The following LONP1 variants were observed in gnomAD, a reference collection of about 807,000 sequenced individuals.
The protein encoded by LONP1 is lon peptidase 1, mitochondrial, also known as lon protease homolog, mitochondrial.
In LONP1, 31 loss-of-function variants were observed where a neutral mutation model predicts 98.5. The observed-to-expected ratio is 0.31, with a 90% CI of 0.24 to 0.42. The LOEUF (loss-of-function observed/expected upper bound fraction) is 0.42. Ranked by LOEUF, LONP1 falls within the 20% of genes least tolerant of loss-of-function variation. LONP1 has a pLI of 1.00. For missense variants in LONP1, 1,336 were observed against 1,350.6 expected, an observed-to-expected ratio of 0.99 and a Z score of 0.17; for synonymous variants, 781 against 594.7, an observed-to-expected ratio of 1.31 and a Z score of -4.56.
chr19:5,716,570 GTTCCCA>G (rs748432525), intron 1 of LONP1, among the ~76,000 whole-genome samples: 2,948 of 141,918 alleles, frequency 0.021, 48 homozygotes, highest in East Asian at 0.038. Context: ...TTTTTTTTCT[GTTCCCA>G]GAAAAAAAAA....
intron 10 of LONP1, among the ~76,000 whole-genome samples, chr19:5,697,494 G>A (rs187046278): frequency 1.2e-4 from 18 of 148,492 alleles, no homozygotes; most frequent in Non-Finnish European, 2.1e-4. Context: ...ATGAGGCTGA[G>A]GCAGAGGGAG....
intron 5 of LONP1, 98 bp from the exon 6 acceptor site, chr19:5,707,924 T>C (rs138317362): frequency 3.5e-6 from 5 of 1,432,446 alleles, no homozygotes; most frequent in Non-Finnish European, 4.8e-6. Flanking sequence ...CCCTGTCCCC[T>C]GTAGCTATGG....
intron 4 of LONP1, among the ~76,000 whole-genome samples, chr19:5,711,441 A>G (rs1263805257): frequency 2.0e-5 from 3 of 152,178 alleles, no homozygotes; most frequent in African/African-American, 2.4e-5. Context: ...TGGTGGGAAG[A>G]AGCCAGGGCT....
intron 4 of LONP1, among the ~76,000 whole-genome samples, chr19:5,710,114 G>C (rs889101338): frequency 5.1e-5 from 7 of 138,344 alleles, no homozygotes; most frequent in Admixed American, 1.5e-4. Flanking sequence ...ACAGAGTTTT[G>C]CTCTTGTTGC....
chr19:5,706,023 G>C (rs772799353), intron 7 of LONP1, 31 bp from the exon 8 acceptor site: 1 of 1,549,886 alleles, frequency 6.5e-7, no homozygotes, highest in Non-Finnish European at 8.9e-7. Context: ...ATCAGGCCCT[G>C]GCTCCGGGAA....
intron 9 of LONP1, 145 bp from the exon 10 acceptor site, chr19:5,699,350 A>G (rs2055000190): frequency 1.8e-6 from 1 of 552,460 alleles, no homozygotes; most frequent in Non-Finnish European, 2.8e-6. Context: ...AGCACATCAG[A>G]GCTGCCACTG....
At chr19:5,693,791 G>A (rs1568310323) in intron 15 of LONP1, 22 bp from the exon 16 acceptor site, 1 of 1,602,680 alleles carries the variant, frequency 6.2e-7, no homozygotes, top group East Asian at 2.2e-5. Context: ...GTGGAGCTGT[G>A]AACACGGGAG....
chr19:5,701,724 C>T (rs906713958), intron 8 of LONP1, among the ~76,000 whole-genome samples: 2 of 152,160 alleles, frequency 1.3e-5, no homozygotes, highest in Admixed American at 6.5e-5. Context: ...CCCAAAGTGC[C>T]GAGATTGCAG....
intron 17 of LONP1, 110 bp from the exon 18 acceptor site, chr19:5,692,318 C>T (rs2054840822): frequency 1.2e-5 from 14 of 1,130,146 alleles, no homozygotes; most frequent in Middle Eastern, 2.4e-4. Flanking sequence ...ACAGTGATGC[C>T]GGGTTCTAAG....
chr19:5,696,644 G>GTTGCCT, intron 11 of LONP1, 26 bp downstream of exon 11: 1 of 1,606,672 alleles, frequency 6.2e-7, no homozygotes, highest in Non-Finnish European at 8.5e-7. Flanking sequence ...CCGGGTTAGG[G>GTTGCCT]GGTCTCCGGG....
intron 17 of LONP1, among the ~76,000 whole-genome samples, 200 bp from the exon 18 acceptor site, chr19:5,692,408 A>G (rs1390945614): frequency 6.6e-6 from 1 of 152,186 alleles, no homozygotes; most frequent in Non-Finnish European, 1.5e-5. Flanking sequence ...CCTTGGCTCC[A>G]ACAGCCTGAG....
At chr19:5,718,196 G>A (rs2055351803) in intron 1 of LONP1, among the ~76,000 whole-genome samples, 1 of 152,132 alleles carries the variant, frequency 6.6e-6, no homozygotes, top group Admixed American at 6.6e-5. Context: ...AAGGCCTTGG[G>A]GCCGGGCGCA....
rs1323706237 is a variant in LONP1 at position 5,694,904 on chromosome 19, G to A, written c.2014-3C>T. The A allele has an allele frequency of 4.4e-6, 7 of 1,590,946 alleles. No individual in the cohort carries two copies. Among genetic ancestry groups the A allele is most frequent in the Admixed American group, 1.7e-5 (1 of 59,652 alleles). On this transcript the variant is annotated splice_polypyrimidine_tract_variant and splice_region_variant and intron_variant, in intron 13 of 17. Coordinates refer to ENST00000360614, the MANE Select transcript of LONP1 (RefSeq NM_004793.4). ...CGAGCCTGGGGCACCAGGTAGCGCT[G>A]CAAGGGCAACCGTCAGGGTTGGGTC...
At chr19:5,707,613 AC>A in intron 6 of LONP1, 83 bp downstream of exon 6, 1 of 1,488,814 alleles carries the variant, frequency 6.7e-7, no homozygotes, top group Non-Finnish European at 9.2e-7. Flanking sequence ...CTGAGGAGGA[AC>A]GGGGGCAGCC....
rs1366351436 is a variant in LONP1 at position 5,711,976 on chromosome 19, A to C, written c.665T>G (p.Val222Gly). The C allele has an allele frequency of 6.2e-7, 1 of 1,612,820 alleles. No individual in the cohort carries two copies. Among genetic ancestry groups the C allele is most frequent in the Non-Finnish European group, 8.5e-7 (1 of 1,179,884 alleles). The change falls in exon 4 of 18, where the codon GTG (valine) becomes GGG (glycine). Residue 222 changes from valine (V) to glycine (G), a missense_variant. Around this residue, in one of 5 missense-constraint regions of LONP1, gnomAD observed 457 missense variants for 403.1 expected, o/e 1.13. Transcript: ENST00000360614. ...CTCCGCCTCCGGCTCCTCGGGCTCC[A>C]CCTCCAGCTGTCTGCTGATATGGAC... ...RRVHISRQLE[V>G]EPEEPEAENK...
At position 5,719,715 on chromosome 19, in the gene LONP1, T is replaced by G; in HGVS notation, c.418A>C (p.Lys140Gln). The change falls in exon 1 of 18, where the codon AAG (lysine) becomes CAG (glutamine). Residue 140 changes from lysine (K) to glutamine (Q), a missense_variant. Lys to Gln is a moderately conservative substitution (Grantham distance 53). Coordinates refer to ENST00000360614, the MANE Select transcript of LONP1 (RefSeq NM_004793.4). ...TRNPVFPRFI[K>Q]IIEVKNKKLV... ...GGGACTCCCATTACCTCGATAATCTTGATAAAGCGCGGGAACACCGGGTTG... is the reference window on the plus strand; with the variant it reads ...GGGACTCCCATTACCTCGATAATCTGGATAAAGCGCGGGAACACCGGGTTG... 1 of 1,613,862 alleles carries G rather than the reference T, an allele frequency of 6.2e-7. No individual in the cohort carries two copies. Among genetic ancestry groups the G allele is most frequent in the Non-Finnish European group, 8.5e-7 (1 of 1,180,008 alleles).
intron 17 of LONP1, 107 bp from the exon 18 acceptor site, chr19:5,692,315 T>G: frequency 8.8e-7 from 1 of 1,134,636 alleles, no homozygotes; most frequent in Non-Finnish European, 1.3e-6. Flanking sequence ...TACACAGTGA[T>G]GCCGGGTTCT....
chr19:5,720,357 T>A, upstream of LONP1: 1 of 677,930 alleles, frequency 1.5e-6, no homozygotes, highest in Non-Finnish European at 2.3e-6. Flanking sequence ...TCCGGTCACG[T>A]GGAAGGCTGT....
chr19:5,708,181 C>A, intron 5 of LONP1, 161 bp downstream of exon 5: 1 of 714,706 alleles, frequency 1.4e-6, no homozygotes, highest in Non-Finnish European at 2.3e-6. Flanking sequence ...CTCCCACCTG[C>A]CCCATGCCCC....
Sources: allele counts gnomAD v4.1 joint callset (sites outside exome capture counted in the v4.1 genomes callset), GRCh38; gene constraint gnomAD v4.1.1; regional missense constraint gnomAD v4.1.1; transcripts MANE v1.5; gene names NCBI Gene and HGNC (gene_info 2026-07-23, HGNC 2026-07-21).